Variants in MGAT4C observed in about 807,000 individuals in gnomAD.
MGAT4C encodes MGAT4 family member C.
In MGAT4C, 19 loss-of-function variants were observed where a neutral mutation model predicts 40.1. That is an observed-to-expected ratio of 0.47 (90% CI 0.33 to 0.70). MGAT4C has a LOEUF of 0.70. MGAT4C is among the 30% of genes least tolerant of loss of function. The probability of loss-of-function intolerance (pLI) is 0.02; values close to 1 mark genes in which losing one functional copy is unlikely to be tolerated. For synonymous variants in MGAT4C, 181 were observed against 187.1 expected (o/e 0.97, Z 0.27); for missense variants, 491 against 563.2 (o/e 0.87, Z 1.30).
chr12:85,982,363 A>G (rs772990442), intron 4 of MGAT4C, among the ~76,000 whole-genome samples: 15 of 151,986 alleles, frequency 9.9e-5, no homozygotes, highest in Admixed American at 3.3e-4. Flanking sequence ...TAATTTTTGT[A>G]CTTTTAGTAG....
chr12:85,999,450 A>G (rs1352267710), intron 2 of MGAT4C, among the ~76,000 whole-genome samples: 2 of 152,194 alleles, frequency 1.3e-5, no homozygotes, highest in East Asian at 3.9e-4. Flanking sequence ...CCAAAGGAAG[A>G]CAAATAAATA....
chr12:86,284,950 A>G (rs377189996), intron 4 of MGAT4C, among the ~76,000 whole-genome samples: 1 of 152,016 alleles, frequency 6.6e-6, no homozygotes, highest in East Asian at 1.9e-4. Flanking sequence ...TAGCAACTAA[A>G]CTTTGGTTGT....
At chr12:86,791,340 G>A (rs1459467558) in intron 1 of MGAT4C, among the ~76,000 whole-genome samples, 3 of 151,908 alleles carry the variant, frequency 2.0e-5, no homozygotes, top group East Asian at 3.9e-4. Context: ...CACCATCTTG[G>A]AAAGGACCAG....
At chr12:86,535,966 A>C (rs1959061078) in intron 2 of MGAT4C, among the ~76,000 whole-genome samples, 1 of 152,126 alleles carries the variant, frequency 6.6e-6, no homozygotes, top group Non-Finnish European at 1.5e-5. Context: ...TTGATGAAAT[A>C]CTGATACGAT....
intron 3 of MGAT4C, among the ~76,000 whole-genome samples, chr12:86,339,968 C>A (rs889218485): frequency 1.3e-5 from 2 of 152,252 alleles, no homozygotes; most frequent in East Asian, 3.9e-4. Flanking sequence ...AAGCCTTTAT[C>A]TAGATATTGC....
At chr12:86,515,738 C>CTTTTTTTTT (rs940550644) in intron 2 of MGAT4C, among the ~76,000 whole-genome samples, 1 of 133,466 alleles carries the variant, frequency 7.5e-6, no homozygotes, top group African/African-American at 2.8e-5. Flanking sequence ...TAAAGCAATT[C>CTTTTTTTTT]TTTTTTTTTT....
At chr12:86,222,516 C>T (rs1164997396) in intron 1 of MGAT4C, among the ~76,000 whole-genome samples, 1 of 152,030 alleles carries the variant, frequency 6.6e-6, no homozygotes, top group Non-Finnish European at 1.5e-5. Context: ...CTAAATTATA[C>T]CTTTATATTT....
intron 1 of MGAT4C, among the ~76,000 whole-genome samples, chr12:86,732,721 G>A (rs550923421): frequency 6.6e-6 from 1 of 151,810 alleles, no homozygotes; most frequent in South Asian, 2.1e-4. Flanking sequence ...GTCCTGTTGT[G>A]TGGCCTGGTT....
chr12:86,558,354 CAA>C (rs1282559328), intron 2 of MGAT4C, among the ~76,000 whole-genome samples: 1 of 151,934 alleles, frequency 6.6e-6, no homozygotes, highest in African/African-American at 2.4e-5. Context: ...TTATGAAGCT[CAA>C]AGATTCCCAA....
At position 85,957,657 on chromosome 12, in the gene MGAT4C, C is replaced by CAAAAAAAAAAAAAAAGAAAAA. The variant is rs1882870860; in HGVS notation, c.*21631_*21632insTTTTTCTTTTTTTTTTTTTTT. On this transcript the variant is annotated 3_prime_UTR_variant, in exon 5 of 5. Transcript: ENST00000611864. ...TTTACTGTAGAGTTGAATAAGAAAG[C>CAAAAAAAAAAAAAAAGAAAAA]AAAAAAAAAAAAAAAAGAAAAAAGA... 2.0e-5 allele frequency: 2 copies of CAAAAAAAAAAAAAAAGAAAAA among 101,306 alleles called. No homozygotes were observed. Among genetic ancestry groups the CAAAAAAAAAAAAAAAGAAAAA allele is most frequent in the Non-Finnish European group, 3.8e-5 (2 of 52,742 alleles). 6.3% of individuals were successfully genotyped at this position (101,306 alleles called of 1,614,324 possible).
At chr12:86,773,107 A>G (rs1167801212) in intron 1 of MGAT4C, among the ~76,000 whole-genome samples, 2 of 152,146 alleles carry the variant, frequency 1.3e-5, no homozygotes, top group African/African-American at 4.8e-5. Context: ...CTTAATCCCT[A>G]GTACCACAGA....
intron 2 of MGAT4C, among the ~76,000 whole-genome samples, chr12:86,691,869 G>T (rs1950179313): frequency 6.6e-6 from 1 of 151,910 alleles, no homozygotes; most frequent in Admixed American, 6.6e-5. Context: ...TAAAATATCT[G>T]CATTAAAGTA....
chr12:86,717,980 T>C (rs1950674127), intron 2 of MGAT4C, among the ~76,000 whole-genome samples: 1 of 152,196 alleles, frequency 6.6e-6, no homozygotes, highest in Admixed American at 6.5e-5. Flanking sequence ...CCAGTTATTT[T>C]AATCAGGAGG....
chr12:86,712,764 A>G (rs1950579869), intron 2 of MGAT4C, among the ~76,000 whole-genome samples: 1 of 152,054 alleles, frequency 6.6e-6, no homozygotes, highest in Admixed American at 6.6e-5. Flanking sequence ...GAAAAGCTCT[A>G]CTGAGTTCAC....
At chr12:86,125,012 A>C (rs839175) in intron 1 of MGAT4C, among the ~76,000 whole-genome samples, 87,702 of 151,956 alleles carry the variant, frequency 0.58, 25,591 homozygotes, top group South Asian at 0.72. Flanking sequence ...AGAATGAAGA[A>C]AGAGCTCACA....
At chr12:86,471,947 G>T (rs1957763127) in intron 2 of MGAT4C, among the ~76,000 whole-genome samples, 1 of 152,016 alleles carries the variant, frequency 6.6e-6, no homozygotes, top group Admixed American at 6.6e-5. Flanking sequence ...TTTTAATACA[G>T]TTTTTATCAT....
chr12:86,222,414 G>T (rs1399054721), intron 1 of MGAT4C, among the ~76,000 whole-genome samples: 2 of 152,140 alleles, frequency 1.3e-5, no homozygotes, highest in African/African-American at 4.8e-5. Context: ...AAAAGTGACA[G>T]ATTTTTTCTA....
intron 4 of MGAT4C, among the ~76,000 whole-genome samples, chr12:86,332,171 G>A (rs1162035441): frequency 6.6e-6 from 1 of 152,012 alleles, no homozygotes; most frequent in East Asian, 1.9e-4. Context: ...AAAAAAATCA[G>A]TTTATGTTGC....
chr12:86,242,296 G>GT (rs773797242), intron 1 of MGAT4C, among the ~76,000 whole-genome samples: 4 of 152,132 alleles, frequency 2.6e-5, no homozygotes, highest in Non-Finnish European at 5.9e-5. Flanking sequence ...CAATGCAAAG[G>GT]TGTGTAAGAC....
Sources: allele counts gnomAD v4.1 joint callset (sites outside exome capture counted in the v4.1 genomes callset), GRCh38; gene constraint gnomAD v4.1.1; transcripts MANE v1.5; gene names NCBI Gene and HGNC (gene_info 2026-07-23, HGNC 2026-07-21).